DLEU7: variants seen among roughly 807,000 people sequenced by gnomAD.
DLEU7 encodes the protein deleted in lymphocytic leukemia 7.
Under a neutral mutation model 16.0 loss-of-function variants are expected in DLEU7, and 17 were observed. That is an observed-to-expected ratio of 1.06 (90% CI 0.73 to 1.59). The LOEUF is 1.59. Ranked by LOEUF, DLEU7 falls within the 40% of genes most tolerant of loss-of-function variation. DLEU7 has a pLI of 0.00. For missense variants in DLEU7, 308 were observed against 314.9 expected (o/e 0.98, Z 0.17); for synonymous variants, 113 against 139.8 (o/e 0.81, Z 1.35).
intron 1 of DLEU7, among the ~76,000 whole-genome samples, chr13:50,719,993 C>G (rs1274491033): frequency 6.6e-6 from 1 of 152,174 alleles, no homozygotes; most frequent in Non-Finnish European, 1.5e-5. Flanking sequence ...AGAAGAATAT[C>G]TGTTGACTTG....
At chr13:50,818,776 T>A (rs1876807726), downstream of DLEU7, among the ~76,000 whole-genome samples, 3 of 152,154 alleles carry the variant, frequency 2.0e-5, no homozygotes, top group African/African-American at 7.2e-5. Flanking sequence ...CTGGTAGCTG[T>A]CAGCATTCCC....
chr13:50,826,974 T>C (rs1439372232), intron 1 of DLEU7, among the ~76,000 whole-genome samples: 1 of 152,156 alleles, frequency 6.6e-6, no homozygotes, highest in Non-Finnish European at 1.5e-5. Flanking sequence ...GAATTACCAC[T>C]AATAGACTCT....
At chr13:50,786,151 A>AAT (rs1293326568) in intron 1 of DLEU7, among the ~76,000 whole-genome samples, 2 of 152,130 alleles carry the variant, frequency 1.3e-5, no homozygotes, top group Non-Finnish European at 2.9e-5. Context: ...GGTTCTAGAA[A>AAT]ATACCTAACT....
chr13:50,724,460 A>C (rs1045870051), intron 1 of DLEU7, among the ~76,000 whole-genome samples: 6 of 152,138 alleles, frequency 3.9e-5, no homozygotes, highest in Non-Finnish European at 7.4e-5. Context: ...GGGTTGATGG[A>C]AGCACACAAT....
chr13:50,797,832 C>A lies in DLEU7; in HGVS notation c.459+45356G>T, dbSNP rs532663569. On this transcript the variant is annotated intron_variant, in intron 1 of 1. Coordinates refer to the DLEU7 transcript ENST00000400393. ...AGTATAGAGCTCAGATTCTGTGCTC[C>A]CAAATCTGCCAGAATTTAATGGGGG... Among the ~76,000 whole-genome samples, 4 of 152,180 alleles carry A rather than the reference C, an allele frequency of 2.6e-5. No individual in the cohort carries two copies. The East Asian group carries it at 7.7e-4, about 29-fold the overall frequency.
chr13:50,765,036 T>A (rs1194912672), intron 1 of DLEU7, among the ~76,000 whole-genome samples: 1 of 152,058 alleles, frequency 6.6e-6, no homozygotes, highest in Non-Finnish European at 1.5e-5. Flanking sequence ...GCACGCACCA[T>A]CATGCCTGGT....
chr13:50,823,631 T>TTA, intron 1 of DLEU7, 111 bp from the exon 2 acceptor site: 1 of 944,582 alleles, frequency 1.1e-6, no homozygotes, highest in East Asian at 3.4e-5. Flanking sequence ...AGCACTCTGG[T>TTA]TTTTTTTTTT....
chr13:50,830,076 C>A (rs150942094), intron 1 of DLEU7, among the ~76,000 whole-genome samples: 4 of 152,190 alleles, frequency 2.6e-5, no homozygotes, highest in Non-Finnish European at 5.9e-5. Flanking sequence ...ATATCCTACA[C>A]GATGCTTTGA....
intron 1 of DLEU7, among the ~76,000 whole-genome samples, chr13:50,766,540 C>A (rs1271980019): frequency 6.6e-6 from 1 of 152,048 alleles, no homozygotes; most frequent in East Asian, 1.9e-4. Context: ...TACCAAACTT[C>A]GGGAATCTCT....
At chr13:50,828,856 A>T (rs1877172881) in intron 1 of DLEU7, among the ~76,000 whole-genome samples, 1 of 152,180 alleles carries the variant, frequency 6.6e-6, no homozygotes. Flanking sequence ...CCAGGACAGA[A>T]CCATACCATG....
At chr13:50,774,079 C>CG (rs1875413592) in intron 1 of DLEU7, among the ~76,000 whole-genome samples, 1 of 152,152 alleles carries the variant, frequency 6.6e-6, no homozygotes, top group South Asian at 2.1e-4. Context: ...GAGCCAGGCG[C>CG]GGGGTGTAAT....
downstream of DLEU7, chr13:50,822,866 T>C (rs1208689806): frequency 1.0e-6 from 1 of 989,920 alleles, no homozygotes; most frequent in East Asian, 1.1e-4. Context: ...TAAGTATTAA[T>C]AGAACAAAGC....
At chr13:50,759,568 C>A (rs1874865279) in intron 1 of DLEU7, among the ~76,000 whole-genome samples, 1 of 152,092 alleles carries the variant, frequency 6.6e-6, no homozygotes. Flanking sequence ...TTATTTAGCC[C>A]TTATCATGAA....
chr13:50,746,725 T>G (rs939520508), intron 1 of DLEU7, among the ~76,000 whole-genome samples: 4 of 152,118 alleles, frequency 2.6e-5, no homozygotes, highest in Non-Finnish European at 5.9e-5. Flanking sequence ...TTCCACACTG[T>G]TTTTCAGAGC....
At chr13:50,806,917 T>C (rs1205588505) in intron 1 of DLEU7, among the ~76,000 whole-genome samples, 1 of 128,256 alleles carries the variant, frequency 7.8e-6, no homozygotes, top group Non-Finnish European at 1.5e-5. Flanking sequence ...CACTCCAGCC[T>C]GGGTGACAGA....
intron 1 of DLEU7, among the ~76,000 whole-genome samples, chr13:50,795,718 T>G (rs1876092306): frequency 1.3e-5 from 2 of 152,228 alleles, no homozygotes; most frequent in South Asian, 4.1e-4. Context: ...TTATTTAATA[T>G]TATTTTTATC....
At chr13:50,830,846 A>G (rs1320994022) in intron 1 of DLEU7, among the ~76,000 whole-genome samples, 1 of 152,154 alleles carries the variant, frequency 6.6e-6, no homozygotes. Flanking sequence ...GGATGGAGAC[A>G]CAGTTCATTC....
At chr13:50,806,945 C>G (rs1372088212) in intron 1 of DLEU7, among the ~76,000 whole-genome samples, 2 of 124,106 alleles carry the variant, frequency 1.6e-5, no homozygotes, top group Non-Finnish European at 3.0e-5. Flanking sequence ...TCACTGCACT[C>G]TAGCCTGGGT....
At chr13:50,802,147 A>T (rs963766438) in intron 1 of DLEU7, among the ~76,000 whole-genome samples, 28 of 130,698 alleles carry the variant, frequency 2.1e-4, no homozygotes, top group Non-Finnish European at 3.7e-4. Context: ...AAAAAAAAAA[A>T]GGCACAAGCC....
Sources: gnomAD v4.1 joint callset for allele counts (sites outside exome capture counted in the v4.1 genomes callset) on GRCh38, gnomAD v4.1.1 for gene constraint, MANE v1.5 for transcripts, NCBI Gene and HGNC (gene_info 2026-07-23, HGNC 2026-07-21) for gene names.